LHX4: variants seen among roughly 807,000 people sequenced by gnomAD.
LHX4 encodes LIM homeobox 4.
Under a neutral mutation model 39.2 loss-of-function variants are expected in LHX4, and 16 were observed. The ratio of observed to expected loss-of-function variants is 0.41; its 90% CI spans 0.28 to 0.62. LHX4 has a LOEUF of 0.62. Among genes scored for constraint, LHX4 ranks in the 20% least tolerant of loss-of-function variants. The pLI, the probability that LHX4 is intolerant of heterozygous loss-of-function variation, is 0.33. For missense variants in LHX4, 439 were observed against 511.9 expected (o/e 0.86, Z 1.37); for synonymous variants, 206 against 198.1 (o/e 1.04, Z -0.33).
intron 2 of LHX4, among the ~76,000 whole-genome samples, chr1:180,253,839 C>A (rs1008704801): frequency 2.6e-5 from 4 of 152,172 alleles, no homozygotes; most frequent in Non-Finnish European, 5.9e-5. Flanking sequence ...CCTGGTCTCC[C>A]CTGTACCAGC....
At chr1:180,265,893 G>A (rs1205367012) in intron 2 of LHX4, among the ~76,000 whole-genome samples, 6 of 152,212 alleles carry the variant, frequency 3.9e-5, no homozygotes, top group Non-Finnish European at 8.8e-5. Context: ...TCTCTGCAGC[G>A]TGCTGTCCCC....
At chr1:180,249,924 A>AGT (rs1019012867) in intron 2 of LHX4, among the ~76,000 whole-genome samples, 1 of 150,512 alleles carries the variant, frequency 6.6e-6, no homozygotes, top group South Asian at 2.1e-4. Flanking sequence ...TGTGTGTGAG[A>AGT]GTGTGTGTGG....
At position 180,277,647 on chromosome 1, in the gene LHX4, G is replaced by GAGTC. The variant is rs1223178553; in HGVS notation, c.*3071_*3074dup. On this transcript the variant is annotated 3_prime_UTR_variant, in exon 6 of 6. Transcript: ENST00000263726. ...GGCCCGATGGGTAAATCAGTGTTGG[G>GAGTC]AGTCAGGTTCTTGGCCCTTCAAGGA... The GAGTC allele has an allele frequency of 1.3e-5, 2 of 152,204 alleles. No homozygotes were observed. The highest frequency in any genetic ancestry group is 6.5e-5 in the Admixed American group (1 of 15,284). 9.4% of individuals were successfully genotyped at this position (152,204 alleles called of 1,614,324 possible). A position where few individuals can be genotyped will look rare whatever the true frequency, so the allele number is the denominator to read the frequency against.
rs1376058587 is a variant in LHX4, at chr1:180,275,472, A to G, written c.*893A>G. 6.6e-6 allele frequency: 1 copy of G among 152,244 alleles called. No individual in the cohort carries two copies. The highest frequency in any genetic ancestry group is 1.5e-5 in the Non-Finnish European group (1 of 68,038). 9.4% of individuals were successfully genotyped at this position (152,244 alleles called of 1,614,324 possible). On this transcript the variant is annotated 3_prime_UTR_variant, in exon 6 of 6. Transcript: ENST00000263726. ...AGTGAACATTTGTAGACACATTTGG[A>G]TTCCAAACCTGCAGTCTGTTCAGCC...
chr1:180,272,718 C>T (rs1648746908), intron 5 of LHX4: 1 of 152,254 alleles, frequency 6.6e-6, no homozygotes, highest in Admixed American at 6.5e-5. Flanking sequence ...GGGAAGAGTA[C>T]TCAACTGGCG....
intron 3 of LHX4, among the ~76,000 whole-genome samples, chr1:180,267,955 T>A (rs1231807219): frequency 6.6e-6 from 1 of 152,112 alleles, no homozygotes; most frequent in Non-Finnish European, 1.5e-5. Flanking sequence ...TCCTGTCTCT[T>A]TGAGGACCTT....
intron 2 of LHX4, among the ~76,000 whole-genome samples, chr1:180,256,820 T>C (rs1230493055): frequency 6.6e-6 from 1 of 152,146 alleles, no homozygotes; most frequent in Non-Finnish European, 1.5e-5. Context: ...CTGATTGGCC[T>C]GTAGTGAGAA....
intron 2 of LHX4, among the ~76,000 whole-genome samples, chr1:180,251,300 C>T (rs1402037179): frequency 6.6e-6 from 1 of 152,194 alleles, no homozygotes; most frequent in African/African-American, 2.4e-5. Context: ...GGTGGGCTGC[C>T]GCCTCCACAC....
intron 1 of LHX4, among the ~76,000 whole-genome samples, chr1:180,231,451 GC>G (rs1664176224): frequency 6.6e-6 from 1 of 151,650 alleles, no homozygotes; most frequent in Non-Finnish European, 1.5e-5. Context: ...ATGGGTGTGC[GC>G]GCGCAGAGAT....
chr1:180,266,715 C>G lies in LHX4; in HGVS notation c.451+121C>G. The G allele has an allele frequency of 1.0e-6, 1 of 958,424 alleles. No homozygotes were observed. The highest frequency in any genetic ancestry group is 1.6e-6 in the Non-Finnish European group (1 of 616,816). 59.4% of individuals were successfully genotyped at this position (958,424 alleles called of 1,614,324 possible). ...ATCCCTCAGAGCCCTACTCATGCAC[C>G]GCCACCTCTGAGAAGCGTCCCAGAT... On this transcript the variant is annotated intron_variant, in intron 3 of 5. Transcript: ENST00000263726. This position sits in a 1 kb window ranked among gnomAD's most constrained non-coding sequence, Gnocchi z 5.7.
chr1:180,267,889 G>A lies in LHX4; in HGVS notation c.451+1295G>A, dbSNP rs76260557. Among the ~76,000 whole-genome samples, 1,165 of 152,252 alleles carry A rather than the reference G, an allele frequency of 7.7e-3. 12 individuals carry two copies. The highest frequency in any genetic ancestry group is 0.026 in the African/African-American group (1,093 of 41,538). On this transcript the variant is annotated intron_variant, in intron 3 of 5. Transcript: ENST00000263726. ...AGAGGGGATTCATAAGGGCCCTTTA[G>A]GTGAGCCAGCTGGAGCTGGGTTTGG...
In LHX4 at chr1:180,259,829, G is replaced by C. The variant is rs569666698; in HGVS notation, c.249-6563G>C. On this transcript the variant is annotated intron_variant, in intron 2 of 5. Transcript: ENST00000263726. ...GCCCAAGGGGAAGGGCAGTCCCTGG[G>C]TTGTGTGAGTCAGTGCCCTGGGGAG... 2.6e-4 allele frequency among the ~76,000 whole-genome samples: 39 copies of C among 151,806 alleles called. 1 individual carries two copies. Among genetic ancestry groups the C allele is most frequent in the African/African-American group, 9.5e-4 (39 of 41,118 alleles).
chr1:180,242,911 T>C (rs973722537), intron 1 of LHX4, among the ~76,000 whole-genome samples: 3 of 152,238 alleles, frequency 2.0e-5, no homozygotes, highest in Non-Finnish European at 2.9e-5. Context: ...TGTGGAATTT[T>C]GAGATACTAA....
rs1664265599 is a variant in LHX4 at position 180,234,484 on chromosome 1, C to T, written c.76+3879C>T. Reference sequence around the variant, plus strand: ...AGAAACCCGGGTAAGCGCGGCAGCGCCCCGCTTGGGACAGCGGATGGCTGA... The same window carrying T: ...AGAAACCCGGGTAAGCGCGGCAGCGTCCCGCTTGGGACAGCGGATGGCTGA... On this transcript the variant is annotated intron_variant, in intron 1 of 5. Coordinates refer to ENST00000263726, the MANE Select transcript of LHX4 (RefSeq NM_033343.4). This position sits in a 1 kb window ranked among gnomAD's most constrained non-coding sequence, Gnocchi z 4.8. Among the ~76,000 whole-genome samples, 1 of 152,142 alleles carries T rather than the reference C, an allele frequency of 6.6e-6. No individual in the cohort carries two copies. The highest frequency in any genetic ancestry group is 2.4e-5 in the African/African-American group (1 of 41,456).
chr1:180,246,076 A>T (rs186986330), intron 1 of LHX4, among the ~76,000 whole-genome samples: 58 of 152,076 alleles, frequency 3.8e-4, no homozygotes, highest in African/African-American at 1.3e-3. Flanking sequence ...TTTTCATGGG[A>T]TATTTTGGTC....
Position 180,234,220 on chromosome 1 carries a change from T to TATATAA in LHX4, c.76+3616_76+3617insTATAAA, listed in dbSNP as rs1389328209. Among the ~76,000 whole-genome samples the TATATAA allele has an allele frequency of 2.7e-3, 186 of 70,178 alleles. 4 individuals are homozygous for TATATAA. The highest frequency in any genetic ancestry group is 5.9e-3 in the African/African-American group (78 of 13,236). 46.0% of individuals were successfully genotyped at this position (70,178 alleles called of 152,430 possible). A position where few individuals can be genotyped will look rare whatever the true frequency, so the allele number is the denominator to read the frequency against. ...ATATATATATATATATATATATATA[T>TATATAA]AATAGATTGAGATTCTATCATATTC... On this transcript the variant is annotated intron_variant, in intron 1 of 5. Coordinates refer to ENST00000263726, the MANE Select transcript of LHX4 (RefSeq NM_033343.4). This position sits in a 1 kb window ranked among gnomAD's most constrained non-coding sequence, Gnocchi z 4.8.
intron 1 of LHX4, among the ~76,000 whole-genome samples, chr1:180,242,965 G>A (rs944844412): frequency 5.9e-5 from 9 of 152,106 alleles, no homozygotes; most frequent in Non-Finnish European, 1.2e-4. Context: ...TTTGGAAATT[G>A]TCTTGCCCCT....
chr1:180,253,487 C>T (rs562128530), intron 2 of LHX4, among the ~76,000 whole-genome samples: 16 of 152,358 alleles, frequency 1.1e-4, no homozygotes, highest in African/African-American at 2.6e-4. Flanking sequence ...TCTAAGAGCC[C>T]TGGCACCCAG....
At chr1:180,235,475 C>G (rs1364634567) in intron 1 of LHX4, among the ~76,000 whole-genome samples, 1 of 152,214 alleles carries the variant, frequency 6.6e-6, no homozygotes, top group Non-Finnish European at 1.5e-5. Context: ...AAAATTAAAC[C>G]CCAACCCTGG....
Sources: allele counts gnomAD v4.1 joint callset (sites outside exome capture counted in the v4.1 genomes callset), GRCh38; gene constraint gnomAD v4.1.1; non-coding constraint Gnocchi (gnomAD v3.1); transcripts MANE v1.5; gene names NCBI Gene and HGNC (gene_info 2026-07-23, HGNC 2026-07-21).